Variants in CACNA2D1 observed in about 807,000 individuals in gnomAD.
The protein encoded by CACNA2D1 is calcium voltage-gated channel auxiliary subunit alpha2delta 1.
In CACNA2D1, 53 loss-of-function variants were observed where a neutral mutation model predicts 171.5. The observed-to-expected ratio is 0.31, with a 90% CI of 0.25 to 0.39. The LOEUF is 0.39. Ranked by LOEUF, CACNA2D1 falls within the 10% of genes least tolerant of loss-of-function variation. The probability of loss-of-function intolerance (pLI) is 1.00; values close to 1 mark genes in which losing one functional copy is unlikely to be tolerated. For missense variants in CACNA2D1, 903 were observed against 1,299.8 expected, an observed-to-expected ratio of 0.69 and a Z score of 4.69; for synonymous variants, 442 against 443.1, an observed-to-expected ratio of 1.00 and a Z score of 0.03.
intron 3 of CACNA2D1, among the ~76,000 whole-genome samples, chr7:82,196,476 G>T: frequency 6.6e-6 from 1 of 152,158 alleles, no homozygotes; most frequent in Middle Eastern, 3.4e-3. Context: ...CAGGATCACA[G>T]ATCTAACTAG....
chr7:82,335,907 C>T (rs1038691616), intron 2 of CACNA2D1, among the ~76,000 whole-genome samples: 1 of 152,060 alleles, frequency 6.6e-6, no homozygotes, highest in Non-Finnish European at 1.5e-5. Flanking sequence ...ATTTGACTAC[C>T]TTTCTGGCTC....
chr7:82,428,889 T>C (rs919281276), intron 1 of CACNA2D1, among the ~76,000 whole-genome samples: 3 of 152,200 alleles, frequency 2.0e-5, no homozygotes, highest in African/African-American at 7.2e-5. Flanking sequence ...TCCTCTGAAC[T>C]ACCATAGCAT....
chr7:82,310,056 A>C, intron 3 of CACNA2D1, among the ~76,000 whole-genome samples: 1 of 152,094 alleles, frequency 6.6e-6, no homozygotes, highest in Admixed American at 6.5e-5. Context: ...TTAACATCTT[A>C]TTTTTATATG....
intron 3 of CACNA2D1, among the ~76,000 whole-genome samples, chr7:82,322,753 C>G (rs1351689528): frequency 6.6e-6 from 1 of 152,098 alleles, no homozygotes; most frequent in Non-Finnish European, 1.5e-5. Context: ...TCTTATCTTG[C>G]GAATGCAGTT....
chr7:82,295,698 T>C (rs1184362414), intron 3 of CACNA2D1, among the ~76,000 whole-genome samples: 1 of 151,822 alleles, frequency 6.6e-6, no homozygotes, highest in Non-Finnish European at 1.5e-5. Flanking sequence ...ACTATTGCTA[T>C]AACACAGGGC....
intron 3 of CACNA2D1, among the ~76,000 whole-genome samples, chr7:82,225,694 A>G (rs1802287357): frequency 6.7e-6 from 1 of 148,908 alleles, no homozygotes; most frequent in Non-Finnish European, 1.5e-5. Context: ...AAGCCATCCT[A>G]CTACCTAGAG....
intron 3 of CACNA2D1, among the ~76,000 whole-genome samples, chr7:82,299,209 A>G (rs1178876154): frequency 6.6e-6 from 1 of 152,176 alleles, no homozygotes; most frequent in East Asian, 1.9e-4. Context: ...AGTTGATCAT[A>G]TACCAAATTA....
chr7:82,151,609 AACT>A (rs1194855640), intron 4 of CACNA2D1, among the ~76,000 whole-genome samples: 1 of 152,130 alleles, frequency 6.6e-6, no homozygotes. Flanking sequence ...ATAGCTAAAG[AACT>A]AAATAAAACT....
At position 81,951,797 on chromosome 7, in the gene CACNA2D1, A is replaced by G. The variant is rs528641986; in HGVS notation, c.3160-1289T>C. Among the ~76,000 whole-genome samples, 6 of 152,082 alleles carry G rather than the reference A, an allele frequency of 3.9e-5. No individual in the cohort carries two copies. The East Asian group carries it at 9.7e-4, about 25-fold the overall frequency. On this transcript the variant is annotated intron_variant, in intron 38 of 38. Coordinates refer to ENST00000356860, the MANE Select transcript of CACNA2D1 (RefSeq NM_000722.4). ...AATTTTGAATTGTGCTGCTATAAAC[A>G]TGCATGCGCAAGTGTCTTTTTCATA...
At chr7:81,957,104 C>T (rs545403657) in intron 38 of CACNA2D1, among the ~76,000 whole-genome samples, 1 of 151,960 alleles carries the variant, frequency 6.6e-6, no homozygotes, top group East Asian at 1.9e-4. Flanking sequence ...TGAAAGAGTG[C>T]ATTAAATTTG....
At chr7:82,155,281 C>T (rs920454059) in intron 4 of CACNA2D1, among the ~76,000 whole-genome samples, 1 of 151,976 alleles carries the variant, frequency 6.6e-6, no homozygotes, top group Non-Finnish European at 1.5e-5. Context: ...GACTAATAGA[C>T]CATTTCATAC....
chr7:82,039,848 C>T (rs1278655770), intron 10 of CACNA2D1, among the ~76,000 whole-genome samples: 11 of 152,084 alleles, frequency 7.2e-5, no homozygotes, highest in Admixed American at 1.3e-4. Flanking sequence ...GAGTTTAGCT[C>T]GGTCTCATAG....
chr7:82,300,276 GCA>G (rs1812836818), intron 3 of CACNA2D1, among the ~76,000 whole-genome samples: 1 of 151,962 alleles, frequency 6.6e-6, no homozygotes, highest in African/African-American at 2.4e-5. Flanking sequence ...GTGGACTGAA[GCA>G]TTGTAATGGG....
At chr7:82,328,072 C>T (rs540759170) in intron 3 of CACNA2D1, among the ~76,000 whole-genome samples, 27 of 152,230 alleles carry the variant, frequency 1.8e-4, no homozygotes, top group African/African-American at 6.0e-4. Context: ...TGTCTCATTG[C>T]CCTGTCACTG....
rs189718599 is a variant in CACNA2D1, at chr7:82,393,301, A to G, written c.96-43652T>C. ...TTCATCTTGCAATAGGGAAACATTGACCTCTTATACAAAGAACAGCAGTAA... is the reference window on the plus strand; with the variant it reads ...TTCATCTTGCAATAGGGAAACATTGGCCTCTTATACAAAGAACAGCAGTAA... On this transcript the variant is annotated intron_variant, in intron 1 of 38. Coordinates refer to ENST00000356860, the MANE Select transcript of CACNA2D1 (RefSeq NM_000722.4). Among the ~76,000 whole-genome samples, 465 of 152,260 alleles carry G rather than the reference A, an allele frequency of 3.1e-3. 2 individuals carry two copies. The highest frequency in any genetic ancestry group is 2.7e-3 in the Non-Finnish European group (187 of 68,022).
chr7:82,171,033 G>A (rs1227001636), intron 3 of CACNA2D1, among the ~76,000 whole-genome samples: 1 of 151,858 alleles, frequency 6.6e-6, no homozygotes, highest in Non-Finnish European at 1.5e-5. Flanking sequence ...CAATATACTA[G>A]GCACCTTCTT....
At chr7:82,178,764 T>C (rs1387202065) in intron 3 of CACNA2D1, among the ~76,000 whole-genome samples, 1 of 152,162 alleles carries the variant, frequency 6.6e-6, no homozygotes, top group Non-Finnish European at 1.5e-5. Flanking sequence ...ACTAGTTCTA[T>C]AACCTCATGC....
chr7:82,003,410 T>C (rs913647320), intron 18 of CACNA2D1, among the ~76,000 whole-genome samples: 2 of 151,984 alleles, frequency 1.3e-5, no homozygotes, highest in African/African-American at 4.8e-5. Flanking sequence ...TGTAATATTA[T>C]AAATTTTAGT....
chr7:82,292,172 T>G (rs1273982997), intron 3 of CACNA2D1, among the ~76,000 whole-genome samples: 1 of 152,172 alleles, frequency 6.6e-6, no homozygotes, highest in Non-Finnish European at 1.5e-5. Context: ...AACTTATTGA[T>G]TTCCCTGGAG....
Sources: allele counts gnomAD v4.1 joint callset (sites outside exome capture counted in the v4.1 genomes callset), GRCh38; gene constraint gnomAD v4.1.1; transcripts MANE v1.5; gene names NCBI Gene and HGNC (gene_info 2026-07-23, HGNC 2026-07-21).